Variants in ANKRD36 observed in about 807,000 individuals in gnomAD.
ANKRD36 encodes ankyrin repeat domain-containing protein 36A.
In ANKRD36, 179 loss-of-function variants were observed where a neutral mutation model predicts 278.1. That is an observed-to-expected ratio of 0.64 (90% CI 0.57 to 0.73). ANKRD36 has a LOEUF of 0.73. ANKRD36 is among the 30% of genes least tolerant of loss of function. The pLI is 0.00. For synonymous variants in ANKRD36, 320 were observed against 641.1 expected (o/e 0.50, Z 7.57); for missense variants, 1,159 against 1,956.7 (o/e 0.59, Z 7.69).
At chr2:97,177,931 G>A (rs1366623737) in intron 22 of ANKRD36, among the ~76,000 whole-genome samples, 46 of 149,714 alleles carry the variant, frequency 3.1e-4, no homozygotes, top group African/African-American at 1.1e-3. Flanking sequence ...CTACTCATCT[G>A]ACAAAGGGCT....
chr2:97,260,191 C>T (rs1301824661), intron 75 of ANKRD36, among the ~76,000 whole-genome samples: 8 of 84,036 alleles, frequency 9.5e-5, no homozygotes, highest in African/African-American at 3.2e-4. Context: ...TATAGGCTTA[C>T]AAAATGTATT....
chr2:97,209,699 C>G lies in ANKRD36; in HGVS notation c.3284C>G (p.Pro1095Arg), dbSNP rs762233347. 1 of 1,584,314 alleles carries G rather than the reference C, an allele frequency of 6.3e-7. No homozygotes were observed. The highest frequency in any genetic ancestry group is 1.5e-5 in the African/African-American group (1 of 68,284). The stretch of plus-strand genomic sequence containing the variant: ...TTTTCAGTGTCTTCTCGGAAAAAAC[C>G]AGCCTTGAAGGTAATGAAACTCTCA... ...KTKRVSSRKK[P>R]ALKATSDEKD... The change falls in exon 55 of 76, where the codon CCA (proline) becomes CGA (arginine). Residue 1095 changes from proline to arginine, a missense_variant. Coordinates refer to ENST00000420699, the MANE Select transcript of ANKRD36 (RefSeq NM_001354587.1).
chr2:97,147,947 T>C (rs1429753351), intron 11 of ANKRD36, among the ~76,000 whole-genome samples: 2 of 151,950 alleles, frequency 1.3e-5, no homozygotes, highest in African/African-American at 4.8e-5. Flanking sequence ...GCCTTTTTGT[T>C]TGTTTAACTG....
chr2:97,167,096 T>C (rs1232083284), intron 20 of ANKRD36, among the ~76,000 whole-genome samples: 1 of 152,164 alleles, frequency 6.6e-6, no homozygotes, highest in Admixed American at 6.6e-5. Flanking sequence ...AATGAAGAGA[T>C]GGCAGGAGGG....
At chr2:97,175,732 G>C (rs1375026244) in intron 22 of ANKRD36, among the ~76,000 whole-genome samples, 3 of 148,412 alleles carry the variant, frequency 2.0e-5, no homozygotes, top group African/African-American at 7.4e-5. Flanking sequence ...GTCAATTTTG[G>C]ATCTTTCCTG....
intron 42 of ANKRD36, among the ~76,000 whole-genome samples, chr2:97,197,025 A>C (rs1164943169): frequency 2.6e-5 from 4 of 151,910 alleles, no homozygotes; most frequent in African/African-American, 4.8e-5. Context: ...TATGGAGAGC[A>C]GTTGAAGACA....
intron 68 of ANKRD36, among the ~76,000 whole-genome samples, chr2:97,234,188 TCTAA>T (rs2073074625): frequency 8.7e-6 from 1 of 115,604 alleles, no homozygotes; most frequent in Non-Finnish European, 1.7e-5. Context: ...GTGATAACCC[TCTAA>T]CTGTCTTTCC....
At chr2:97,149,653 T>C (rs146031240) in intron 12 of ANKRD36, among the ~76,000 whole-genome samples, 2 of 134,060 alleles carry the variant, frequency 1.5e-5, no homozygotes, top group African/African-American at 5.5e-5. Flanking sequence ...CAGTAGAGGA[T>C]ATACAAATTT....
chr2:97,208,172 T>C (rs1470932290), intron 54 of ANKRD36, among the ~76,000 whole-genome samples, 166 bp downstream of exon 54: 15 of 146,326 alleles, frequency 1.0e-4, no homozygotes, highest in Admixed American at 8.8e-4. Flanking sequence ...GCTGCTGGTC[T>C]GGAACATGAT....
chr2:97,179,912 G>C lies in ANKRD36; in HGVS notation c.1714G>C (p.Glu572Gln), dbSNP rs774853961. 6.2e-7 allele frequency: 1 copy of C among 1,605,876 alleles called. No homozygotes were observed. The highest frequency in any genetic ancestry group is 1.1e-5 in the South Asian group (1 of 90,838). The change falls in exon 24 of 76, where the codon GAG becomes CAG. Residue 572 changes from glutamate (E) to glutamine (Q), a missense_variant. Glu to Gln is a conservative substitution (Grantham distance 29). Coordinates refer to ENST00000420699, the MANE Select transcript of ANKRD36 (RefSeq NM_001354587.1). ...TTCAAATATAGCCACAGAAATAAAG[G>C]AGGGACCAATATCTGGGACAGGTAA... ...SVSNIATEIK[E>Q]GPISGTVSSQ...
rs1291825935 is a variant in ANKRD36, at chr2:97,212,040, C to T, written c.3469+299C>T. Among the ~76,000 whole-genome samples, 2 of 151,912 alleles carry T rather than the reference C, an allele frequency of 1.3e-5. 1 individual carries two copies. Among genetic ancestry groups the T allele is most frequent in the East Asian group, 4.0e-4 (2 of 5,060 alleles). ...TTTGCTTTAATTCTACAGCATGTTT[C>T]CATCAAGAGGGAAAAGAGAAAGAGA... On this transcript the variant is annotated intron_variant, in intron 58 of 75. Coordinates refer to ENST00000420699, the MANE Select transcript of ANKRD36 (RefSeq NM_001354587.1).
chr2:97,139,758 T>C (rs1283400020), intron 6 of ANKRD36, among the ~76,000 whole-genome samples: 2 of 152,098 alleles, frequency 1.3e-5, no homozygotes, highest in Admixed American at 1.3e-4. Context: ...GCATGTATTT[T>C]TGACATGTCA....
At position 97,122,875 on chromosome 2, in the gene ANKRD36, G is replaced by A; in HGVS notation, c.487-12G>A. 1 of 1,531,354 alleles carries A rather than the reference G, an allele frequency of 6.5e-7. No homozygotes were observed. Among genetic ancestry groups the A allele is most frequent in the Non-Finnish European group, 8.8e-7 (1 of 1,136,862 alleles). The allele number at this position is 1,531,354 out of a possible 1,614,324, so 94.9% of individuals were successfully genotyped here. ...AATTTTGTGATTATAAATTGTTGCTGTTATTTTACAGTGTGAATATCAGCC... is the reference window on the plus strand; with the variant it reads ...AATTTTGTGATTATAAATTGTTGCTATTATTTTACAGTGTGAATATCAGCC... On this transcript the variant is annotated splice_polypyrimidine_tract_variant and intron_variant, in intron 3 of 75. Coordinates refer to ENST00000420699, the MANE Select transcript of ANKRD36 (RefSeq NM_001354587.1).
chr2:97,218,383 T>G (rs2066502169), intron 64 of ANKRD36, among the ~76,000 whole-genome samples: 3 of 146,140 alleles, frequency 2.1e-5, no homozygotes, highest in African/African-American at 7.8e-5. Flanking sequence ...TTATATATTA[T>G]ACCTTCTTGC....
intron 66 of ANKRD36, among the ~76,000 whole-genome samples, chr2:97,220,857 A>G (rs1301798252): frequency 1.4e-5 from 2 of 144,456 alleles, no homozygotes; most frequent in African/African-American, 5.3e-5. Context: ...TACATGTGCC[A>G]TGCTGGTGCG....
chr2:97,158,073 T>G, intron 15 of ANKRD36, 34 bp from the exon 16 acceptor site: 1 of 1,406,348 alleles, frequency 7.1e-7, no homozygotes, highest in South Asian at 1.2e-5. Context: ...TTTAACTTGC[T>G]GCATGTTATT....
At chr2:97,193,491 A>G (rs13024019) in intron 38 of ANKRD36, among the ~76,000 whole-genome samples, 68,641 of 99,040 alleles carry the variant, frequency 0.69, 26,097 homozygotes, top group Non-Finnish European at 0.85. Context: ...TGTAGCAACT[A>G]TTTTCCTAAG....
intron 67 of ANKRD36, among the ~76,000 whole-genome samples, chr2:97,231,612 T>G (rs1317947783): frequency 2.0e-5 from 3 of 152,118 alleles, no homozygotes; most frequent in African/African-American, 7.2e-5. Flanking sequence ...CTCACCCTCC[T>G]TTGGGTCACA....
At position 97,142,798 on chromosome 2, in the gene ANKRD36, A is replaced by G; in HGVS notation, c.864A>G (p.Ile288Met). 6.4e-7 allele frequency: 1 copy of G among 1,570,316 alleles called. No individual in the cohort carries two copies. The highest frequency in any genetic ancestry group is 8.6e-7 in the Non-Finnish European group (1 of 1,157,840). ...GCAAGGAAGATTCTATTTCAAATAT[A>G]GCCACAGAAATAAAGGATGGACAAA... ...TSGKEDSISNIATEIKDGQKS... is the reference protein window; with the variant it reads ...TSGKEDSISNMATEIKDGQKS... Residue 288 changes from isoleucine (I) to methionine (M), a missense_variant, in exon 8 of 76, where the codon ATA (isoleucine) becomes ATG (methionine). Physicochemically the swap from Ile to Met is conservative, Grantham distance 10 (BLOSUM62 1). Transcript: ENST00000420699.
Sources: gnomAD v4.1 joint callset for allele counts (sites outside exome capture counted in the v4.1 genomes callset) on GRCh38, gnomAD v4.1.1 for gene constraint, MANE v1.5 for transcripts, NCBI Gene and HGNC (gene_info 2026-07-23, HGNC 2026-07-21) for gene names.